Variants in FGD3 observed in about 807,000 individuals in gnomAD.
FGD3 encodes FYVE, RhoGEF and PH domain containing 3, also known as FYVE, RhoGEF and PH domain-containing protein 3.
In FGD3, 45 loss-of-function variants were observed where a neutral mutation model predicts 71.8. The observed-to-expected ratio is 0.63, with a 90% confidence interval of 0.49 to 0.80. The LOEUF (loss-of-function observed/expected upper bound fraction) is 0.80. FGD3 is among the 30% of genes least tolerant of loss of function. FGD3 has a pLI of 0.00. For missense variants in FGD3, 844 were observed against 951.5 expected (o/e 0.89, Z 1.49); for synonymous variants, 378 against 392.8 (o/e 0.96, Z 0.44).
At position 93,026,723 on chromosome 9, in the gene FGD3, G is replaced by A. The variant is rs187191603; in HGVS notation, c.1558-3151G>A. On this transcript the variant is annotated intron_variant, in intron 14 of 17. Coordinates refer to ENST00000375482, the MANE Select transcript of FGD3 (RefSeq NM_001083536.2). ...TCCTCAGAGGCCAAGCTCTTGCTGT[G>A]CACCCAGCCCCGCAGGTACCTGTCC... Among the ~76,000 whole-genome samples the A allele has an allele frequency of 3.0e-4, 45 of 152,350 alleles. 1 individual carries two copies. Among genetic ancestry groups the A allele is most frequent in the Admixed American group, 2.8e-3 (43 of 15,306 alleles).
At chr9:92,982,188 T>C (rs931570468) in intron 3 of FGD3, among the ~76,000 whole-genome samples, 1 of 152,242 alleles carries the variant, frequency 6.6e-6, no homozygotes, top group Admixed American at 6.5e-5. Context: ...TTTTTACTTC[T>C]GTGAGATCAA....
intron 1 of FGD3, among the ~76,000 whole-genome samples, chr9:92,962,014 A>AACC (rs1859175884): frequency 6.6e-6 from 1 of 152,240 alleles, no homozygotes; most frequent in Non-Finnish European, 1.5e-5. Flanking sequence ...AGAGGCAGAT[A>AACC]ACCAGCATTT....
At chr9:92,998,176 T>C (rs1205787053) in intron 3 of FGD3, among the ~76,000 whole-genome samples, 1 of 152,218 alleles carries the variant, frequency 6.6e-6, no homozygotes, top group East Asian at 1.9e-4. Context: ...TTCTTTTTAC[T>C]CTTTTTTCTC....
chr9:93,020,675 T>G, intron 13 of FGD3: 1 of 456,302 alleles, frequency 2.2e-6, no homozygotes, highest in Non-Finnish European at 4.1e-6. Context: ...GAGACCAGAA[T>G]AGGTCCAGAG....
chr9:92,981,368 CAAAAA>C (rs11454338), intron 3 of FGD3, among the ~76,000 whole-genome samples: 2 of 111,778 alleles, frequency 1.8e-5, no homozygotes, highest in African/African-American at 6.9e-5. Context: ...ATTCCATCTC[CAAAAA>C]AAAAAAAAAA....
rs765653449 is a variant in FGD3, at chr9:93,035,344, C to T, written c.1933C>T (p.Arg645Trp). 70 of 1,607,588 alleles carry T rather than the reference C, an allele frequency of 4.4e-5. No individual in the cohort carries two copies. The highest frequency in any genetic ancestry group is 5.8e-5 in the Non-Finnish European group (68 of 1,177,132). Reference sequence around the variant, plus strand: ...ATCTGCTCCTCTGCTGCAGGACGGCCGGCTGCCCCGCACCATCCCTCTCCC... The same window carrying T: ...ATCTGCTCCTCTGCTGCAGGACGGCTGGCTGCCCCGCACCATCCCTCTCCC... ...LHLQGGSQDG[R>W]LPRTIPLPSC... is the part of the protein sequence containing the mutation. Residue 645 changes from arginine to tryptophan, a missense_variant, in exon 18 of 18, where the codon CGG becomes TGG. Physicochemically the swap from Arg to Trp is moderately radical, Grantham distance 101. Transcript: ENST00000375482.
intron 1 of FGD3, among the ~76,000 whole-genome samples, chr9:92,957,709 C>A (rs1281360433): frequency 7.2e-6 from 1 of 138,336 alleles, no homozygotes; most frequent in South Asian, 2.3e-4. Context: ...GACAGAGTCT[C>A]GCTCTGTTGC....
chr9:92,991,966 ACTC>A (rs1173900526), intron 3 of FGD3, among the ~76,000 whole-genome samples: 4 of 150,982 alleles, frequency 2.6e-5, no homozygotes, highest in Non-Finnish European at 5.9e-5. Context: ...AAGTATAGCT[ACTC>A]CTCCTTGTTT....
intron 3 of FGD3, among the ~76,000 whole-genome samples, chr9:93,002,460 C>T (rs756691185): frequency 3.3e-5 from 5 of 152,026 alleles, no homozygotes; most frequent in East Asian, 3.9e-4. Flanking sequence ...CATGGTGGTA[C>T]GCATGTAGAG....
intron 5 of FGD3, 65 bp from the exon 6 acceptor site, chr9:93,005,959 G>A: frequency 2.0e-6 from 3 of 1,513,290 alleles, no homozygotes; most frequent in Non-Finnish European, 8.9e-7. Flanking sequence ...TGGAGTTCAT[G>A]TCCACTAACC....
intron 7 of FGD3, among the ~76,000 whole-genome samples, 162 bp downstream of exon 7, chr9:93,010,546 G>T (rs1006034359): frequency 6.6e-6 from 1 of 151,738 alleles, no homozygotes; most frequent in Non-Finnish European, 1.5e-5. Flanking sequence ...AGGGGAGGGA[G>T]AGAGATGGAG....
chr9:93,010,021 GGCCA>G (rs1257997269), intron 6 of FGD3, among the ~76,000 whole-genome samples: 3 of 152,220 alleles, frequency 2.0e-5, no homozygotes, highest in Non-Finnish European at 4.4e-5. Flanking sequence ...CTGGGCCAAG[GGCCA>G]GCCTGCCTGG....
In FGD3 at chr9:93,029,871, T is replaced by C. The variant is rs1260571771; in HGVS notation, c.1558-3T>C. ...CTGATGGCATCTATTTGCCTCCTTA[T>C]AGCTCGAGCCCAGAAAACTATCCTC... On this transcript the variant is annotated splice_region_variant and splice_polypyrimidine_tract_variant and intron_variant, in intron 14 of 17. Transcript: ENST00000375482. 2 of 1,611,686 alleles carry C rather than the reference T, an allele frequency of 1.2e-6. No homozygotes were observed. Among genetic ancestry groups the C allele is most frequent in the Non-Finnish European group, 1.7e-6 (2 of 1,178,692 alleles).
intron 9 of FGD3, among the ~76,000 whole-genome samples, chr9:93,014,706 A>G (rs1373421135): frequency 1.3e-5 from 2 of 152,038 alleles, no homozygotes; most frequent in Non-Finnish European, 2.9e-5. Flanking sequence ...CAGTGGCTCA[A>G]TCTCGGCTCA....
chr9:92,950,810 G>A (rs1858940471), intron 1 of FGD3, among the ~76,000 whole-genome samples: 1 of 152,368 alleles, frequency 6.6e-6, no homozygotes, highest in East Asian at 1.9e-4. Flanking sequence ...GGAGGAATCT[G>A]TGGACGACAG....
At chr9:92,990,092 T>A (rs187801364) in intron 3 of FGD3, among the ~76,000 whole-genome samples, 26 of 152,056 alleles carry the variant, frequency 1.7e-4, no homozygotes, top group South Asian at 4.2e-4. Flanking sequence ...TTTATGAAAT[T>A]TTTTTTTATC....
Position 93,002,939 on chromosome 9 carries a change from G to C in FGD3, c.468G>C (p.Gln156His). The C allele has an allele frequency of 6.2e-7, 1 of 1,614,022 alleles. No homozygotes were observed. Among genetic ancestry groups the C allele is most frequent in the South Asian group, 1.1e-5 (1 of 91,070 alleles). ...DAGLAQHSGP[Q>H]KLLHIAQELL... ...TCTCTCCGCAGCACTCTGGCCCCCAGAAGCTTCTCCACATTGCCCAGGAGC... is the reference window on the plus strand; with the variant it reads ...TCTCTCCGCAGCACTCTGGCCCCCACAAGCTTCTCCACATTGCCCAGGAGC... The change falls in exon 4 of 18, where the codon CAG (glutamine) becomes CAC (histidine). Residue 156 changes from glutamine to histidine, a missense_variant. Coordinates refer to ENST00000375482, the MANE Select transcript of FGD3 (RefSeq NM_001083536.2).
At chr9:93,016,571 C>G (rs910468894) in intron 10 of FGD3, among the ~76,000 whole-genome samples, 2 of 151,678 alleles carry the variant, frequency 1.3e-5, no homozygotes, top group Non-Finnish European at 1.5e-5. Flanking sequence ...CTCCTGACTT[C>G]GTGATCCACC....
intron 6 of FGD3, among the ~76,000 whole-genome samples, chr9:93,008,919 C>G (rs1484875081): frequency 6.7e-6 from 1 of 150,212 alleles, no homozygotes; most frequent in Non-Finnish European, 1.5e-5. Context: ...GAGCCAAGAT[C>G]ACTCCACTAC....
Sources: allele counts gnomAD v4.1 joint callset (sites outside exome capture counted in the v4.1 genomes callset), GRCh38; gene constraint gnomAD v4.1.1; transcripts MANE v1.5; gene names NCBI Gene and HGNC (gene_info 2026-07-23, HGNC 2026-07-21).